The following FBXL6 variants were observed in gnomAD, a reference collection of about 807,000 sequenced individuals.
The protein encoded by FBXL6 is F-box and leucine rich repeat protein 6.
Under a neutral mutation model 53.3 loss-of-function variants are expected in FBXL6, and 50 were observed. The ratio of observed to expected loss-of-function variants is 0.94; its 90% CI spans 0.75 to 1.19. The LOEUF is 1.19. Among genes scored for constraint, FBXL6 ranks in the 50% most tolerant of loss-of-function variants. The probability of loss-of-function intolerance (pLI) is 0.00; values close to 1 mark genes in which losing one functional copy is unlikely to be tolerated. For missense variants in FBXL6, 815 were observed against 719.0 expected, an observed-to-expected ratio of 1.13 and a Z score of -1.53; for synonymous variants, 405 against 322.9, an observed-to-expected ratio of 1.25 and a Z score of -2.73.
Position 144,355,666 on chromosome 8 carries a change from G to A in FBXL6, c.1485C>T (p.Ser495=), listed in dbSNP as rs1554852590. The A allele has an allele frequency of 1.2e-6, 2 of 1,610,672 alleles. No individual in the cohort carries two copies. Among genetic ancestry groups the A allele is most frequent in the Admixed American group, 1.7e-5 (1 of 59,990 alleles). ...TGAGGTAGAGCAGGCCCGGGCAGCC[G>A]CTGATCACAGAGCTGTGGGGAGGGC... ...VTPSTVSSVI[S]GCPGLLYLNL... Residue 495 remains serine, a synonymous_variant, in exon 9 of 9, where the codon AGC becomes AGT. Coordinates refer to ENST00000331890, the MANE Select transcript of FBXL6 (RefSeq NM_012162.4).
At position 144,355,620 on chromosome 8, in the gene FBXL6, G is replaced by A. The variant is rs1554852548; in HGVS notation, c.1531C>T (p.Leu511Phe). ...TAGGCCCGCTTCAGACCCCGGGGAA[G>A]GCAGCGGCAGGACTCCAGGTTGAGG... ...LYLNLESCRC[L>F]PRGLKRAYRG... Residue 511 changes from leucine (L) to phenylalanine (F), a missense_variant, in exon 9 of 9, where the codon CTT becomes TTT. By Grantham distance (22) the Leu-to-Phe change is conservative. Transcript: ENST00000331890. The A allele has an allele frequency of 6.2e-7, 1 of 1,611,228 alleles. No individual in the cohort carries two copies. Among genetic ancestry groups the A allele is most frequent in the Admixed American group, 1.7e-5 (1 of 60,012 alleles).
Position 144,357,113 on chromosome 8 carries a change from A to G in FBXL6, c.648T>C (p.Gly216=). ...SQVHPVLKLV[G]ECCPRLTFLK... is the part of the protein sequence containing the mutation. ...GGAAAGTGAGCCGAGGACAGCACTCACCTACCAGCTGCGGGGAGACAGAGG... is the reference window on the plus strand; with the variant it reads ...GGAAAGTGAGCCGAGGACAGCACTCGCCTACCAGCTGCGGGGAGACAGAGG... Residue 216 remains glycine, a synonymous_variant, in exon 4 of 9, where the codon GGT becomes GGC. Transcript: ENST00000331890. 1 of 1,612,886 alleles carries G rather than the reference A, an allele frequency of 6.2e-7. No homozygotes were observed. The highest frequency in any genetic ancestry group is 1.1e-5 in the South Asian group (1 of 91,080).
rs782216722 is a variant in FBXL6 at position 144,357,697 on chromosome 8, C to A, written c.506G>T (p.Arg169Leu). Residue 169 changes from arginine to leucine, a missense_variant, in exon 2 of 9, where the codon CGG becomes CTG. Coordinates refer to ENST00000331890, the MANE Select transcript of FBXL6 (RefSeq NM_012162.4). ...TVTLSSPLVG[R>L]PAKGGVKAEK... is the part of the protein sequence containing the mutation. ...CGCCTTGACCCCGCCCTTGGCAGGC[C>A]GGCCGACCAGCGGGGACGACAGGGT... 1.2e-6 allele frequency: 2 copies of A among 1,610,534 alleles called. No homozygotes were observed. The highest frequency in any genetic ancestry group is 1.7e-5 in the Admixed American group (1 of 59,854).
At position 144,356,732 on chromosome 8, in the gene FBXL6, G is replaced by A. The variant is rs372391839; in HGVS notation, c.880-19C>T. The A allele has an allele frequency of 1.2e-6, 2 of 1,611,008 alleles. No homozygotes were observed. Among genetic ancestry groups the A allele is most frequent in the Non-Finnish European group, 1.7e-6 (2 of 1,178,830 alleles). Reference sequence around the variant, plus strand: ...AGCTGCCCTGCAGAGATGGGGGGAGGGGGTAGGTCACAGGGTCAGTGGCCT... The same window carrying A: ...AGCTGCCCTGCAGAGATGGGGGGAGAGGGTAGGTCACAGGGTCAGTGGCCT... On this transcript the variant is annotated intron_variant, in intron 5 of 8. Transcript: ENST00000331890.
At chr8:144,357,353 C>T in intron 3 of FBXL6, 86 bp downstream of exon 3, 1 of 1,404,124 alleles carries the variant, frequency 7.1e-7, no homozygotes, top group Non-Finnish European at 9.8e-7. Flanking sequence ...CAGCGTTGGG[C>T]CCCCAAGGTG....
At chr8:144,357,960 G>T in intron 1 of FBXL6, 72 bp downstream of exon 1, 2 of 1,488,404 alleles carry the variant, frequency 1.3e-6, no homozygotes, top group Non-Finnish European at 8.9e-7. Context: ...CTCCGCCCCC[G>T]CCCGGGCCAC....
Position 144,356,869 on chromosome 8 carries a change from C to T in FBXL6, c.818G>A (p.Arg273Gln), listed in dbSNP as rs973040915. The change falls in exon 5 of 9, where the codon CGA becomes CAA. Residue 273 changes from arginine (R) to glutamine (Q), a missense_variant. Coordinates refer to ENST00000331890, the MANE Select transcript of FBXL6 (RefSeq NM_012162.4). ...VVSFLEEAGS[R>Q]MRKLWLTYSS... is the part of the protein sequence containing the mutation. Reference sequence around the variant, plus strand: ...GTAGGTCAGCCACAACTTGCGCATTCGGGACCCTGCCTCCTCCAAGAAGCT... The same window carrying T: ...GTAGGTCAGCCACAACTTGCGCATTTGGGACCCTGCCTCCTCCAAGAAGCT... The T allele has an allele frequency of 5.1e-5, 82 of 1,613,308 alleles. No homozygotes were observed. The highest frequency in any genetic ancestry group is 8.9e-5 in the East Asian group (4 of 44,900).
Position 144,357,777 on chromosome 8 carries a change from G to T in FBXL6, c.426C>A (p.Arg142=), listed in dbSNP as rs782455397. Residue 142 remains arginine, a synonymous_variant, in exon 2 of 9, where the codon CGC becomes CGA. Coordinates refer to ENST00000331890, the MANE Select transcript of FBXL6 (RefSeq NM_012162.4). Reference sequence around the variant, plus strand: ...CGGCCTCCTGCCAGCGGCGGCACACGCGCGCAGCCCTGGGAGGACAGCGTG... The same window carrying T: ...CGGCCTCCTGCCAGCGGCGGCACACTCGCGCAGCCCTGGGAGGACAGCGTG... The part of the protein sequence containing the change: ...GPMPFLGRAA[R]VCRRWQEAAS... The T allele has an allele frequency of 6.3e-7, 1 of 1,575,534 alleles. No individual in the cohort carries two copies. The highest frequency in any genetic ancestry group is 8.6e-7 in the Non-Finnish European group (1 of 1,164,688).
In FBXL6 at chr8:144,355,509, G is replaced by C; in HGVS notation, c.*22C>G. 6.3e-7 allele frequency: 1 copy of C among 1,597,540 alleles called. No individual in the cohort carries two copies. Among genetic ancestry groups the C allele is most frequent in the South Asian group, 1.1e-5 (1 of 90,798 alleles). On this transcript the variant is annotated 3_prime_UTR_variant, in exon 9 of 9. Transcript: ENST00000331890. ...GGTGGAGGGTGGGCAAGCTGGCTGA[G>C]GTGTCCCAGGTCTGTGGCTGCCTAG...
chr8:144,357,377 C>G (rs1818504543), intron 3 of FBXL6, 62 bp downstream of exon 3: 1 of 1,536,434 alleles, frequency 6.5e-7, no homozygotes, highest in African/African-American at 1.4e-5. Context: ...GACCCACTTC[C>G]TAGAGTACTG....
chr8:144,355,609 A>G lies in FBXL6; in HGVS notation c.1542T>C (p.Gly514=), dbSNP rs782033960. Residue 514 remains glycine (G), a synonymous_variant, in exon 9 of 9, where the codon GGT becomes GGC. Transcript: ENST00000331890. ...NLESCRCLPR[G]LKRAYRGLEE... is the part of the protein sequence containing the mutation. ...CCAGGCCCCGGTAGGCCCGCTTCAGACCCCGGGGAAGGCAGCGGCAGGACT... is the reference window on the plus strand; with the variant it reads ...CCAGGCCCCGGTAGGCCCGCTTCAGGCCCCGGGGAAGGCAGCGGCAGGACT... 1.2e-6 allele frequency: 2 copies of G among 1,610,936 alleles called. No homozygotes were observed.
At position 144,356,368 on chromosome 8, in the gene FBXL6, A is replaced by G. The variant is rs72695499; in HGVS notation, c.1157T>C (p.Leu386Pro). 8.4e-3 allele frequency: 10,892 copies of G among 1,290,672 alleles called. 50 individuals carry two copies. Among genetic ancestry groups the G allele is most frequent in the Non-Finnish European group, 9.1e-3 (9,256 of 1,012,852 alleles). The allele number at this position is 1,290,672 out of a possible 1,614,324, so 80.0% of individuals were successfully genotyped here. Residue 386 changes from leucine (L) to proline (P), a missense_variant, in exon 7 of 9, where the codon CTG (leucine) becomes CCG (proline). By Grantham distance (98) the Leu-to-Pro change is moderately conservative. Transcript: ENST00000331890. ...ACAGCCACGAAGATCCAGTAAGCGC[A>G]GGTTGGGAGAGCCGTGGAGTAGGCG... ...LGRLLHGSPN[L>P]RLLDLRGCAR...
chr8:144,356,538 G>A lies in FBXL6; in HGVS notation c.994-7C>T, dbSNP rs1554852835. 1.2e-6 allele frequency: 2 copies of A among 1,612,796 alleles called. No individual in the cohort carries two copies. Among genetic ancestry groups the A allele is most frequent in the African/African-American group, 1.3e-5 (1 of 74,942 alleles). Reference sequence around the variant, plus strand: ...GGTTCAACAGCCGCAGCACCTGGGGGCAAGGTCCAGGCTGTAGATGGGGGA... The same window carrying A: ...GGTTCAACAGCCGCAGCACCTGGGGACAAGGTCCAGGCTGTAGATGGGGGA... On this transcript the variant is annotated splice_region_variant and splice_polypyrimidine_tract_variant and intron_variant, in intron 6 of 8. Coordinates refer to ENST00000331890, the MANE Select transcript of FBXL6 (RefSeq NM_012162.4).
rs141323222 is a variant in FBXL6 at position 144,355,577 on chromosome 8, A to C, written c.1574T>G (p.Val525Gly). ...LKRAYRGLEE[V>G]QWCLEQLLTS... ...GAGCAGCTGCTCCAGACACCACTGG[A>C]CTTCCTCCAGGCCCCGGTAGGCCCG... The change falls in exon 9 of 9, where the codon GTC (valine) becomes GGC (glycine). Residue 525 changes from valine (V) to glycine (G), a missense_variant. Transcript: ENST00000331890. 3 of 1,611,124 alleles carry C rather than the reference A, an allele frequency of 1.9e-6. No individual in the cohort carries two copies. Among genetic ancestry groups the C allele is most frequent in the African/African-American group, 2.7e-5 (2 of 74,888 alleles).
In FBXL6 at chr8:144,355,934, A is replaced by G. The variant is rs143065608; in HGVS notation, c.1472+34T>C. ...CCCAGGCAGACACAGTGACAGCCAC[A>G]CTGGCTCCAGGGACTGGGGTAGGGG... On this transcript the variant is annotated intron_variant, in intron 8 of 8. Transcript: ENST00000331890. 3,480 of 1,607,422 alleles carry G rather than the reference A, an allele frequency of 2.2e-3. 25 individuals are homozygous for G. The East Asian group carries it at 0.023, about 11-fold the overall frequency.
chr8:144,355,950 G>A lies in FBXL6; in HGVS notation c.1472+18C>T, dbSNP rs1554852645. ...GACAGCCACACTGGCTCCAGGGACT[G>A]GGGTAGGGGATGCTGACCTGACAGT... is the stretch of plus-strand genomic sequence containing the variant. On this transcript the variant is annotated intron_variant, in intron 8 of 8. Coordinates refer to ENST00000331890, the MANE Select transcript of FBXL6 (RefSeq NM_012162.4). The A allele has an allele frequency of 1.9e-6, 3 of 1,610,036 alleles. No homozygotes were observed. In the South Asian group the frequency reaches 3.3e-5, roughly 18 times the overall value.
Position 144,358,137 on chromosome 8 carries a change from T to A in FBXL6, c.311A>T (p.Glu104Val), listed in dbSNP as rs1554853376. Reference sequence around the variant, plus strand: ...TCCCCAGCCCGCGTCGGGCCCTTCCTCGGGCGTGGGCGTGGGTGCCGGTGC... The same window carrying A: ...TCCCCAGCCCGCGTCGGGCCCTTCCACGGGCGTGGGCGTGGGTGCCGGTGC... ...APAPAPTPTP[E>V]EGPDAGWGDR... Residue 104 changes from glutamate to valine, a missense_variant, in exon 1 of 9, where the codon GAG (glutamate) becomes GTG (valine). Transcript: ENST00000331890. 1 of 1,564,282 alleles carries A rather than the reference T, an allele frequency of 6.4e-7. No homozygotes were observed. The highest frequency in any genetic ancestry group is 1.1e-5 in the South Asian group (1 of 87,406).
chr8:144,355,990 G>A lies in FBXL6; in HGVS notation c.1450C>T (p.Arg484Trp), dbSNP rs138709765. Residue 484 changes from arginine (R) to tryptophan (W), a missense_variant, in exon 8 of 9, where the codon CGG becomes TGG. Coordinates refer to ENST00000331890, the MANE Select transcript of FBXL6 (RefSeq NM_012162.4). The part of the protein sequence containing the change: ...ALCSLNLRGT[R>W]VTPSTVSSVI... ...GACCTGACAGTGCTTGGTGTGACCC[G>A]GGTGCCCCTGAGGTTAAGAGAGCAC... 186 of 1,612,734 alleles carry A rather than the reference G, an allele frequency of 1.2e-4. 1 individual carries two copies. Among genetic ancestry groups the A allele is most frequent in the Non-Finnish European group, 1.3e-4 (156 of 1,179,872 alleles).
rs782818627 is a variant in FBXL6 at position 144,355,968 on chromosome 8, C to T, written c.1472G>A (p.Ser491Asn). The T allele has an allele frequency of 2.4e-5, 39 of 1,611,628 alleles. No individual in the cohort carries two copies. The East Asian group carries it at 8.2e-4, about 34-fold the overall frequency. The change falls in exon 8 of 9, where the codon AGC (serine) becomes AAC (asparagine). Residue 491 changes from serine (S) to asparagine (N), a missense_variant and splice_region_variant. Coordinates refer to ENST00000331890, the MANE Select transcript of FBXL6 (RefSeq NM_012162.4). ...RGTRVTPSTV[S>N]SVISGCPGLL... ...AGGGACTGGGGTAGGGGATGCTGACCTGACAGTGCTTGGTGTGACCCGGGT... is the reference window on the plus strand; with the variant it reads ...AGGGACTGGGGTAGGGGATGCTGACTTGACAGTGCTTGGTGTGACCCGGGT...
Sources: allele counts gnomAD v4.1 joint callset, GRCh38; gene constraint gnomAD v4.1.1; transcripts MANE v1.5; gene names NCBI Gene and HGNC (gene_info 2026-07-23, HGNC 2026-07-21).